The following PTPN9 variants were observed in gnomAD, a reference collection of about 807,000 sequenced individuals.
PTPN9 encodes protein tyrosine phosphatase non-receptor type 9.
In PTPN9, 26 loss-of-function variants were observed where a neutral mutation model predicts 69.8. The observed-to-expected ratio is 0.37, with a 90% confidence interval of 0.27 to 0.52. PTPN9 has a LOEUF of 0.52. Among genes scored for constraint, PTPN9 ranks in the 20% least tolerant of loss-of-function variants. The pLI is 0.91. For missense variants in PTPN9, 549 were observed against 740.3 expected, an observed-to-expected ratio of 0.74 and a Z score of 3.00; for synonymous variants, 274 against 272.5, an observed-to-expected ratio of 1.01 and a Z score of -0.05.
chr15:75,526,164 G>A (rs566680108), intron 2 of PTPN9, among the ~76,000 whole-genome samples: 1 of 151,880 alleles, frequency 6.6e-6, no homozygotes, highest in Non-Finnish European at 1.5e-5. Context: ...GCTAATTTTT[G>A]TAGTTTTAGT....
intron 3 of PTPN9, 72 bp downstream of exon 3, chr15:75,524,137 C>G: frequency 3.1e-6 from 1 of 325,244 alleles, no homozygotes; most frequent in Non-Finnish European, 4.9e-6. Context: ...AAAAAAAAAA[C>G]AAAGTCCAAA....
chr15:75,494,352 T>TC (rs2074728024), intron 7 of PTPN9, among the ~76,000 whole-genome samples: 1 of 152,052 alleles, frequency 6.6e-6, no homozygotes, highest in Admixed American at 6.6e-5. Context: ...TCATTGTGAA[T>TC]CTTTTTTTTT....
Position 75,468,074 on chromosome 15 carries a change from A to T in PTPN9, c.*695T>A, listed in dbSNP as rs2074544560. 2 of 151,962 alleles carry T rather than the reference A, an allele frequency of 1.3e-5. No homozygotes were observed. Among genetic ancestry groups the T allele is most frequent in the Non-Finnish European group, 2.9e-5 (2 of 68,076 alleles). 9.4% of individuals were successfully genotyped at this position (151,962 alleles called of 1,614,324 possible). A position where few individuals can be genotyped will look rare whatever the true frequency, so the allele number is the denominator to read the frequency against. Reference sequence around the variant, plus strand: ...CATGATCACCAACCCAAGCTAGTCCAGGATAAATAGTAGGGTCCAAGAAGC... The same window carrying T: ...CATGATCACCAACCCAAGCTAGTCCTGGATAAATAGTAGGGTCCAAGAAGC... On this transcript the variant is annotated 3_prime_UTR_variant, in exon 13 of 13. Coordinates refer to ENST00000618819, the MANE Select transcript of PTPN9 (RefSeq NM_002833.4).
chr15:75,499,862 C>T (rs1365419158), intron 7 of PTPN9, among the ~76,000 whole-genome samples: 3 of 151,998 alleles, frequency 2.0e-5, no homozygotes, highest in African/African-American at 7.2e-5. Context: ...CCTCCCTGCT[C>T]CAACATATTT....
chr15:75,562,374 G>C (rs1453952418), intron 1 of PTPN9, among the ~76,000 whole-genome samples: 2 of 152,156 alleles, frequency 1.3e-5, no homozygotes, highest in Non-Finnish European at 2.9e-5. Context: ...CAGGAATGTT[G>C]AACCCACAAA....
chr15:75,480,272 A>T (rs1414172112), intron 8 of PTPN9, among the ~76,000 whole-genome samples: 1 of 152,154 alleles, frequency 6.6e-6, no homozygotes, highest in Non-Finnish European at 1.5e-5. Flanking sequence ...CCAAAGGCGT[A>T]AGTGACAAAA....
rs1567533120 is a variant in PTPN9, at chr15:75,575,010, G to GTTTTTTT, written c.63+3703_63+3704insAAAAAAA. On this transcript the variant is annotated intron_variant, in intron 1 of 12. Coordinates refer to ENST00000618819, the MANE Select transcript of PTPN9 (RefSeq NM_002833.4). ...TTTTTTTTTTTTTTTTTGAGACAGA[G>GTTTTTTT]GAGACGGAGTCTCGCTCTGTCGGCG... 5.7e-4 allele frequency among the ~76,000 whole-genome samples: 9 copies of GTTTTTTT among 15,766 alleles called. 4 individuals are homozygous for GTTTTTTT. Among genetic ancestry groups the GTTTTTTT allele is most frequent in the Admixed American group, 1.3e-3 (1 of 760 alleles). 10.3% of individuals were successfully genotyped at this position (15,766 alleles called of 152,430 possible).
intron 1 of PTPN9, among the ~76,000 whole-genome samples, chr15:75,570,793 C>T (rs2075145175): frequency 1.3e-5 from 2 of 151,310 alleles, no homozygotes; most frequent in South Asian, 4.2e-4. Context: ...AAAGCAAAAA[C>T]CACACCATAC....
At chr15:75,532,671 G>A (rs575497386) in intron 1 of PTPN9, among the ~76,000 whole-genome samples, 7 of 152,190 alleles carry the variant, frequency 4.6e-5, no homozygotes, top group Non-Finnish European at 5.9e-5. Context: ...TGCATGTAGA[G>A]TCCAGTGTAC....
intron 7 of PTPN9, among the ~76,000 whole-genome samples, chr15:75,501,046 CTCT>C (rs1158776610): frequency 6.6e-6 from 1 of 151,960 alleles, no homozygotes; most frequent in Non-Finnish European, 1.5e-5. Flanking sequence ...CCTTTTTCTC[CTCT>C]TATTTTCCTT....
rs779240050 is a variant in PTPN9 at position 75,517,289 on chromosome 15, A to T, written c.498T>A (p.Asp166Glu). The T allele has an allele frequency of 9.9e-6, 16 of 1,613,876 alleles. No individual in the cohort carries two copies. The highest frequency in any genetic ancestry group is 1.3e-5 in the Non-Finnish European group (15 of 1,179,916). Residue 166 changes from aspartate to glutamate, a missense_variant, in exon 5 of 13, where the codon GAT (aspartate) becomes GAA (glutamate). Physicochemically the swap from Asp to Glu is conservative, Grantham distance 45. This residue lies in a region of PTPN9 where 457 missense variants were observed against 661.9 expected (regional missense o/e 0.69). Coordinates refer to ENST00000618819, the MANE Select transcript of PTPN9 (RefSeq NM_002833.4). ...GCAGGTTTAGGACTTTCTTGCCAAGATCCAGCTCAAAGTTGGCATAATTAG... is the reference window on the plus strand; with the variant it reads ...GCAGGTTTAGGACTTTCTTGCCAAGTTCCAGCTCAAAGTTGGCATAATTAG... ...CGSNYANFEL[D>E]LGKKVLNLLK...
At chr15:75,558,576 C>A (rs540273007) in intron 1 of PTPN9, among the ~76,000 whole-genome samples, 1 of 152,114 alleles carries the variant, frequency 6.6e-6, no homozygotes, top group African/African-American at 2.4e-5. Context: ...CCTCTGACGC[C>A]GAGCCGAAGC....
chr15:75,538,891 T>G (rs2074996491), intron 1 of PTPN9, among the ~76,000 whole-genome samples: 1 of 152,106 alleles, frequency 6.6e-6, no homozygotes, highest in Non-Finnish European at 1.5e-5. Flanking sequence ...GAACTGGGGC[T>G]GGGTGTAATG....
chr15:75,537,975 C>G (rs1219473618), intron 1 of PTPN9, among the ~76,000 whole-genome samples: 1 of 151,834 alleles, frequency 6.6e-6, no homozygotes, highest in African/African-American at 2.4e-5. Flanking sequence ...AGGAGAATCA[C>G]TTGAACCCAG....
chr15:75,557,299 C>T (rs1016314145), intron 1 of PTPN9, among the ~76,000 whole-genome samples: 1 of 151,954 alleles, frequency 6.6e-6, no homozygotes, highest in African/African-American at 2.4e-5. Flanking sequence ...GTAGCGCATG[C>T]CTTTAGTCCC....
At chr15:75,520,438 A>ATAGATAGAT (rs2074896927) in intron 4 of PTPN9, among the ~76,000 whole-genome samples, 1 of 23,212 alleles carries the variant, frequency 4.3e-5, no homozygotes, top group African/African-American at 9.3e-5. Context: ...AGGGTATAGA[A>ATAGATAGAT]TAGATAGATA....
chr15:75,557,122 G>A (rs1342599692), intron 1 of PTPN9, among the ~76,000 whole-genome samples: 2 of 151,982 alleles, frequency 1.3e-5, no homozygotes, highest in East Asian at 3.8e-4. Context: ...TCCACCTTTG[G>A]CTATTGAGAA....
intron 8 of PTPN9, among the ~76,000 whole-genome samples, chr15:75,483,806 A>C (rs562374673): frequency 6.6e-6 from 1 of 152,334 alleles, no homozygotes; most frequent in South Asian, 2.1e-4. Context: ...GGATGTTGGC[A>C]AACTGACAAA....
intron 7 of PTPN9, among the ~76,000 whole-genome samples, chr15:75,490,898 T>C (rs546000431): frequency 1.7e-4 from 26 of 151,888 alleles, no homozygotes; most frequent in Admixed American, 1.4e-3. Flanking sequence ...GTGTTGGGAT[T>C]ACAGGCATGA....
Sources: allele counts gnomAD v4.1 joint callset (sites outside exome capture counted in the v4.1 genomes callset), GRCh38; gene constraint gnomAD v4.1.1; regional missense constraint gnomAD v4.1.1; transcripts MANE v1.5; gene names NCBI Gene and HGNC (gene_info 2026-07-23, HGNC 2026-07-21).